Variants in RGS7 observed in about 807,000 individuals in gnomAD.
The protein encoded by RGS7 is regulator of G-protein signaling 7.
Under a neutral mutation model 81.1 loss-of-function variants are expected in RGS7, and 27 were observed. The ratio of observed to expected loss-of-function variants is 0.33; its 90% CI spans 0.25 to 0.46. The LOEUF is 0.46. Among genes scored for constraint, RGS7 ranks in the 20% least tolerant of loss-of-function variants. The pLI, the probability that RGS7 is intolerant of heterozygous loss-of-function variation, is 1.00. For missense variants in RGS7, 396 were observed against 607.4 expected, an observed-to-expected ratio of 0.65 and a Z score of 3.66; for synonymous variants, 208 against 207.7, an observed-to-expected ratio of 1.00 and a Z score of -0.01.
chr1:241,058,506 T>C (rs1034742945), intron 3 of RGS7, among the ~76,000 whole-genome samples: 6 of 152,226 alleles, frequency 3.9e-5, no homozygotes, highest in Non-Finnish European at 5.9e-5. Flanking sequence ...TTGAATTCTT[T>C]CTTCTGAAGA....
At chr1:241,178,687 T>G (rs1037678697) in intron 2 of RGS7, among the ~76,000 whole-genome samples, 2 of 152,244 alleles carry the variant, frequency 1.3e-5, no homozygotes, top group Non-Finnish European at 2.9e-5. Flanking sequence ...AAAGGCAGTT[T>G]TGAGCTCCTT....
chr1:240,930,227 T>TG (rs1426841155), intron 6 of RGS7, among the ~76,000 whole-genome samples: 1 of 149,832 alleles, frequency 6.7e-6, no homozygotes, highest in Non-Finnish European at 1.5e-5. Flanking sequence ...TTTAGCTTTT[T>TG]TTTTTTTTTT....
chr1:241,152,572 A>G (rs1317213770), intron 2 of RGS7, among the ~76,000 whole-genome samples: 2 of 152,212 alleles, frequency 1.3e-5, no homozygotes, highest in Non-Finnish European at 2.9e-5. Context: ...GTAGCCAGCA[A>G]TATTTAGTCA....
At chr1:240,800,576 G>T in intron 18 of RGS7, 65 bp downstream of exon 18, 1 of 971,898 alleles carries the variant, frequency 1.0e-6, no homozygotes, top group South Asian at 1.6e-5. Context: ...CAGCAGCATG[G>T]AGCTAAACCA....
At chr1:241,267,639 T>C (rs1432590541) in intron 2 of RGS7, among the ~76,000 whole-genome samples, 2 of 152,168 alleles carry the variant, frequency 1.3e-5, no homozygotes, top group South Asian at 2.1e-4. Context: ...GAGCCCCCCA[T>C]TTTCACATCT....
intron 2 of RGS7, among the ~76,000 whole-genome samples, chr1:241,169,401 T>C (rs2070550837): frequency 7.4e-6 from 1 of 135,150 alleles, no homozygotes; most frequent in African/African-American, 2.8e-5. Context: ...TGGAGTGCAG[T>C]GGCGCGATCT....
chr1:241,155,609 C>T (rs1045874177), intron 2 of RGS7, among the ~76,000 whole-genome samples: 1 of 147,454 alleles, frequency 6.8e-6, no homozygotes, highest in Non-Finnish European at 1.5e-5. Context: ...ATGACCTAGG[C>T]TGTTACAAAA....
chr1:241,180,912 C>T (rs546396448), intron 2 of RGS7, among the ~76,000 whole-genome samples: 11 of 152,268 alleles, frequency 7.2e-5, no homozygotes, highest in South Asian at 2.1e-4. Flanking sequence ...ACAGTGTCTC[C>T]GGAAACTCCA....
chr1:241,213,286 TTATGTTCA>T (rs1242279280), intron 2 of RGS7, among the ~76,000 whole-genome samples: 1 of 152,206 alleles, frequency 6.6e-6, no homozygotes. Context: ...AGTCATTACT[TTATGTTCA>T]TCACAAACAA....
chr1:241,259,232 G>C (rs79940596), intron 2 of RGS7, among the ~76,000 whole-genome samples: 1 of 152,098 alleles, frequency 6.6e-6, no homozygotes, highest in Non-Finnish European at 1.5e-5. Flanking sequence ...TATACTAGCC[G>C]TGGTATTGAT....
At chr1:241,316,204 A>T (rs1229257147) in intron 2 of RGS7, among the ~76,000 whole-genome samples, 5 of 152,156 alleles carry the variant, frequency 3.3e-5, no homozygotes, top group African/African-American at 1.2e-4. Flanking sequence ...CTCTGCAGGC[A>T]TGCCACCCTC....
intron 2 of RGS7, among the ~76,000 whole-genome samples, chr1:241,202,049 G>C (rs61833786): frequency 0.023 from 2,182 of 93,214 alleles, 52 homozygotes; most frequent in African/African-American, 0.096. Context: ...CACACACACA[G>C]AGACACCCTA....
At chr1:240,823,254 C>T in intron 10 of RGS7, 1 of 674,988 alleles carries the variant, frequency 1.5e-6, no homozygotes, top group South Asian at 1.5e-5. Flanking sequence ...TCACCACCAC[C>T]TAAAGGCCAT....
intron 2 of RGS7, among the ~76,000 whole-genome samples, chr1:241,168,085 A>C (rs931430922): frequency 1.3e-5 from 2 of 152,308 alleles, no homozygotes; most frequent in African/African-American, 4.8e-5. Context: ...AAGTAGCTTA[A>C]ATTTTACTCC....
chr1:241,234,905 C>G (rs999488233), intron 2 of RGS7, among the ~76,000 whole-genome samples: 2 of 151,964 alleles, frequency 1.3e-5, no homozygotes, highest in Non-Finnish European at 2.9e-5. Context: ...TCAAATCCAT[C>G]CTGCTCCACA....
chr1:241,028,625 A>C (rs780180126), intron 3 of RGS7, among the ~76,000 whole-genome samples: 7 of 152,178 alleles, frequency 4.6e-5, no homozygotes, highest in Non-Finnish European at 8.8e-5. Flanking sequence ...GATGCTGCTG[A>C]AGAGGCAGGC....
At chr1:240,863,539 G>A (rs1662643072) in intron 9 of RGS7, among the ~76,000 whole-genome samples, 1 of 152,162 alleles carries the variant, frequency 6.6e-6, no homozygotes, top group African/African-American at 2.4e-5. Context: ...TATGTAGGTT[G>A]TTACACAATA....
intron 2 of RGS7, among the ~76,000 whole-genome samples, chr1:241,150,621 C>CTACA (rs759522695): frequency 3.3e-5 from 5 of 152,170 alleles, no homozygotes; most frequent in Non-Finnish European, 7.3e-5. Flanking sequence ...TTTTAGACAT[C>CTACA]TTGATATGTA....
At chr1:241,169,847 C>T (rs571677469) in intron 2 of RGS7, among the ~76,000 whole-genome samples, 20 of 152,158 alleles carry the variant, frequency 1.3e-4, no homozygotes, top group Middle Eastern at 3.4e-3. Flanking sequence ...TGTTCGTATG[C>T]GTGTGTGAGT....
Sources: allele counts gnomAD v4.1 joint callset (sites outside exome capture counted in the v4.1 genomes callset), GRCh38; gene constraint gnomAD v4.1.1; transcripts MANE v1.5; gene names NCBI Gene and HGNC (gene_info 2026-07-23, HGNC 2026-07-21).